DCC: variants seen among roughly 807,000 people sequenced by gnomAD.
DCC encodes DCC netrin 1 receptor, also known as netrin receptor DCC.
Under a neutral mutation model 172.5 loss-of-function variants are expected in DCC, and 58 were observed. The ratio of observed to expected loss-of-function variants is 0.34; its 90% CI spans 0.27 to 0.42. The LOEUF is 0.42. Among genes scored for constraint, DCC ranks in the 10% least tolerant of loss-of-function variants. The probability of loss-of-function intolerance (pLI) is 1.00; values close to 1 mark genes in which losing one functional copy is unlikely to be tolerated. For synonymous variants in DCC, 709 were observed against 644.5 expected, an observed-to-expected ratio of 1.10 and a Z score of -1.52; for missense variants, 1,740 against 1,791.0, an observed-to-expected ratio of 0.97 and a Z score of 0.51.
chr18:52,439,031 G>T (rs1255517039), intron 1 of DCC, among the ~76,000 whole-genome samples: 1 of 152,020 alleles, frequency 6.6e-6, no homozygotes, highest in Non-Finnish European at 1.5e-5. Context: ...TACTTACTGA[G>T]CTCCTGTTTT....
intron 9 of DCC, among the ~76,000 whole-genome samples, chr18:53,195,686 T>A (rs1267353145): frequency 6.7e-6 from 1 of 150,018 alleles, no homozygotes; most frequent in Non-Finnish European, 1.5e-5. Context: ...CCATTCCTCC[T>A]GATGTGTCCT....
intron 2 of DCC, chr18:52,816,911 A>T (rs1336855024): frequency 2.0e-5 from 3 of 152,192 alleles, no homozygotes; most frequent in Non-Finnish European, 4.4e-5. Context: ...TCTCAGTGTC[A>T]AATATTTTTG....
intron 2 of DCC, among the ~76,000 whole-genome samples, chr18:52,787,699 A>T (rs1347681707): frequency 2.6e-5 from 4 of 152,120 alleles, no homozygotes; most frequent in African/African-American, 9.7e-5. Flanking sequence ...GATAATTTGG[A>T]TACTAGAAGT....
intron 3 of DCC, among the ~76,000 whole-genome samples, chr18:52,910,196 C>A (rs893052150): frequency 6.6e-6 from 1 of 152,070 alleles, no homozygotes; most frequent in African/African-American, 2.4e-5. Context: ...AAACATATCA[C>A]ATGTGGCTTA....
intron 7 of DCC, among the ~76,000 whole-genome samples, chr18:53,079,856 T>C (rs979542886): frequency 6.6e-6 from 1 of 152,148 alleles, no homozygotes; most frequent in Non-Finnish European, 1.5e-5. Context: ...CAAAAGTATG[T>C]ATTCAGTGAA....
At chr18:53,246,088 C>T (rs1486396101) in intron 12 of DCC, among the ~76,000 whole-genome samples, 1 of 151,958 alleles carries the variant, frequency 6.6e-6, no homozygotes, top group Non-Finnish European at 1.5e-5. Flanking sequence ...ATCATCATGA[C>T]GTTTACCCAG....
intron 12 of DCC, among the ~76,000 whole-genome samples, chr18:53,217,478 A>C (rs1284325305): frequency 1.3e-5 from 2 of 152,128 alleles, no homozygotes; most frequent in Non-Finnish European, 2.9e-5. Context: ...TTCAGAATGA[A>C]AATACTATGC....
chr18:52,694,366 C>G (rs1391470332), intron 1 of DCC, among the ~76,000 whole-genome samples: 2 of 151,948 alleles, frequency 1.3e-5, no homozygotes, highest in African/African-American at 4.8e-5. Flanking sequence ...GTGTAAAAAA[C>G]TGGTGTAAAA....
At chr18:52,497,863 T>G (rs2144619721) in intron 1 of DCC, among the ~76,000 whole-genome samples, 1 of 152,260 alleles carries the variant, frequency 6.6e-6, no homozygotes, top group East Asian at 1.9e-4. Flanking sequence ...GATCTCCAGG[T>G]GATCCCTATG....
At position 52,835,919 on chromosome 18, in the gene DCC, T is replaced by C. The variant is rs182789757; in HGVS notation, c.413-70125T>C. On this transcript the variant is annotated intron_variant, in intron 2 of 28. Transcript: ENST00000442544. ...GTTATCCTTTTGTTTACTCCATTCTTATGCTGCTATGGAAAAATATCCGAG... is the reference window on the plus strand; with the variant it reads ...GTTATCCTTTTGTTTACTCCATTCTCATGCTGCTATGGAAAAATATCCGAG... Among the ~76,000 whole-genome samples, 915 of 152,344 alleles carry C rather than the reference T, an allele frequency of 6.0e-3. 6 individuals are homozygous for C. The highest frequency in any genetic ancestry group is 0.021 in the African/African-American group (881 of 41,574).
chr18:52,697,328 C>T (rs1415495669), intron 1 of DCC, among the ~76,000 whole-genome samples: 1 of 152,192 alleles, frequency 6.6e-6, no homozygotes, highest in Non-Finnish European at 1.5e-5. Context: ...TTATAAGACT[C>T]TTCCAGTACT....
At chr18:52,677,646 A>G (rs1373568674) in intron 1 of DCC, among the ~76,000 whole-genome samples, 1 of 152,148 alleles carries the variant, frequency 6.6e-6, no homozygotes, top group African/African-American at 2.4e-5. Context: ...AACTTCTCCT[A>G]AGACTTGAGG....
At chr18:53,371,367 A>G (rs909169185) in intron 15 of DCC, among the ~76,000 whole-genome samples, 2 of 152,008 alleles carry the variant, frequency 1.3e-5, no homozygotes, top group African/African-American at 4.8e-5. Context: ...CACAGTTTTC[A>G]AAGAAGTGGG....
At chr18:52,412,055 G>A (rs1986861928) in intron 1 of DCC, among the ~76,000 whole-genome samples, 1 of 151,960 alleles carries the variant, frequency 6.6e-6, no homozygotes, top group Non-Finnish European at 1.5e-5. Context: ...CTTCCACCTT[G>A]TGCACACCTA....
intron 7 of DCC, among the ~76,000 whole-genome samples, chr18:53,111,704 T>C (rs1476537152): frequency 6.6e-6 from 1 of 151,700 alleles, no homozygotes; most frequent in African/African-American, 2.4e-5. Flanking sequence ...ATGGGATACA[T>C]ATATGTCCAT....
intron 1 of DCC, among the ~76,000 whole-genome samples, chr18:52,407,039 G>C (rs1450741751): frequency 6.6e-6 from 1 of 151,932 alleles, no homozygotes; most frequent in Non-Finnish European, 1.5e-5. Context: ...TGGTGAGTTT[G>C]ATTACTGTAG....
intron 5 of DCC, among the ~76,000 whole-genome samples, chr18:52,997,171 G>T (rs979602085): frequency 6.6e-6 from 1 of 152,062 alleles, no homozygotes; most frequent in African/African-American, 2.4e-5. Context: ...GGCCACATCT[G>T]CATCTGGAGA....
At position 52,511,750 on chromosome 18, in the gene DCC, A is replaced by T. The variant is rs190415417; in HGVS notation, c.91+170872A>T. Among the ~76,000 whole-genome samples, 208 of 152,348 alleles carry T rather than the reference A, an allele frequency of 1.4e-3. 1 individual carries two copies. The highest frequency in any genetic ancestry group is 4.7e-3 in the African/African-American group (194 of 41,580). On this transcript the variant is annotated intron_variant, in intron 1 of 28. Transcript: ENST00000442544. ...ACATTTTAATCCCACATACAAATAGACTGAAGCTCACAGATATTAAACAAT... is the reference window on the plus strand; with the variant it reads ...ACATTTTAATCCCACATACAAATAGTCTGAAGCTCACAGATATTAAACAAT...
At position 53,103,452 on chromosome 18, in the gene DCC, G is replaced by A. The variant is rs180882184; in HGVS notation, c.1261+37286G>A. Among the ~76,000 whole-genome samples the A allele has an allele frequency of 6.8e-3, 1,039 of 152,100 alleles. 15 individuals carry two copies. The highest frequency in any genetic ancestry group is 0.024 in the African/African-American group (977 of 41,514). On this transcript the variant is annotated intron_variant, in intron 7 of 28. Coordinates refer to ENST00000442544, the MANE Select transcript of DCC (RefSeq NM_005215.4). ...AGTGGCATGATCATGACTCAGTGCAGCCTTGACACTTGAGCCTGGGCTCAA... is the reference window on the plus strand; with the variant it reads ...AGTGGCATGATCATGACTCAGTGCAACCTTGACACTTGAGCCTGGGCTCAA...
Sources: gnomAD v4.1 joint callset for allele counts (sites outside exome capture counted in the v4.1 genomes callset) on GRCh38, gnomAD v4.1.1 for gene constraint, MANE v1.5 for transcripts, NCBI Gene and HGNC (gene_info 2026-07-23, HGNC 2026-07-21) for gene names.